AUH: variants seen among roughly 807,000 people sequenced by gnomAD.
The protein encoded by AUH is AU RNA binding methylglutaconyl-CoA hydratase, also known as methylglutaconyl-CoA hydratase, mitochondrial.
Under a neutral mutation model 42.3 loss-of-function variants are expected in AUH, and 29 were observed. The ratio of observed to expected loss-of-function variants is 0.69; its 90% CI spans 0.51 to 0.93. The LOEUF is 0.93. Among genes scored for constraint, AUH ranks in the 40% least tolerant of loss-of-function variants. The probability of loss-of-function intolerance (pLI) is 0.00; values close to 1 mark genes in which losing one functional copy is unlikely to be tolerated. For missense variants in AUH, 452 were observed against 438.1 expected, an observed-to-expected ratio of 1.03 and a Z score of -0.28; for synonymous variants, 174 against 166.4, an observed-to-expected ratio of 1.05 and a Z score of -0.35.
chr9:91,269,440 C>A (rs893928046), intron 6 of AUH, among the ~76,000 whole-genome samples: 3 of 152,182 alleles, frequency 2.0e-5, no homozygotes, highest in African/African-American at 7.2e-5. Flanking sequence ...AGTGACAGAT[C>A]TAAATATAAA....
chr9:91,271,098 A>G (rs868792328), intron 6 of AUH, among the ~76,000 whole-genome samples: 1 of 152,188 alleles, frequency 6.6e-6, no homozygotes, highest in African/African-American at 2.4e-5. Flanking sequence ...CCCTTCTCCA[A>G]ATGGTCAGTG....
intron 6 of AUH, among the ~76,000 whole-genome samples, chr9:91,271,618 G>T (rs1376095564): frequency 6.6e-6 from 1 of 152,184 alleles, no homozygotes; most frequent in Non-Finnish European, 1.5e-5. Context: ...AATATATGTA[G>T]CCTTTCTGCA....
chr9:91,325,200 T>C, intron 4 of AUH, 118 bp downstream of exon 4: 1 of 792,272 alleles, frequency 1.3e-6, no homozygotes, highest in Non-Finnish European at 2.1e-6. Context: ...CAGCTATAGG[T>C]CATGATTATC....
At chr9:91,355,485 A>T (rs1832337782) in intron 3 of AUH, among the ~76,000 whole-genome samples, 1 of 151,960 alleles carries the variant, frequency 6.6e-6, no homozygotes, top group African/African-American at 2.4e-5. Flanking sequence ...TGAACTGGGG[A>T]GACGAGGGTT....
At chr9:91,338,379 C>G (rs564555831) in intron 3 of AUH, among the ~76,000 whole-genome samples, 1 of 152,366 alleles carries the variant, frequency 6.6e-6, no homozygotes, top group East Asian at 1.9e-4. Flanking sequence ...TCATACACTT[C>G]CAGCCATCAC....
intron 3 of AUH, among the ~76,000 whole-genome samples, chr9:91,332,942 G>A (rs1174713423): frequency 6.6e-6 from 1 of 151,728 alleles, no homozygotes; most frequent in Non-Finnish European, 1.5e-5. Flanking sequence ...ACCACTCTGC[G>A]GTTCTCGCTC....
At chr9:91,272,418 C>T (rs1825213529) in intron 6 of AUH, among the ~76,000 whole-genome samples, 1 of 152,186 alleles carries the variant, frequency 6.6e-6, no homozygotes, top group Admixed American at 6.5e-5. Context: ...CTGGGCCAAT[C>T]AGCACATCTT....
chr9:91,356,016 C>A (rs372563500), intron 2 of AUH, 46 bp from the exon 3 acceptor site: 39 of 1,565,592 alleles, frequency 2.5e-5, no homozygotes, highest in Middle Eastern at 1.7e-4. Context: ...AAAAAAAAAA[C>A]AAAACATTTT....
chr9:91,356,005 GAAA>G, intron 2 of AUH, 35 bp from the exon 3 acceptor site: 1 of 1,367,058 alleles, frequency 7.3e-7, no homozygotes, highest in Non-Finnish European at 1.0e-6. Context: ...AGGAAAAAGA[GAAA>G]AAAAAAACAA....
chr9:91,229,547 C>CA (rs1488486489), intron 6 of AUH, among the ~76,000 whole-genome samples: 4 of 150,236 alleles, frequency 2.7e-5, no homozygotes, highest in African/African-American at 7.3e-5. Flanking sequence ...GCATTTAGTC[C>CA]ATTTACATTT....
chr9:91,251,976 C>T (rs1356990521), intron 6 of AUH, among the ~76,000 whole-genome samples: 1 of 151,616 alleles, frequency 6.6e-6, no homozygotes, highest in Non-Finnish European at 1.5e-5. Context: ...TCAGGATTTT[C>T]TTTTTTTTGA....
At chr9:91,239,597 C>G (rs1828386551) in intron 6 of AUH, among the ~76,000 whole-genome samples, 1 of 152,156 alleles carries the variant, frequency 6.6e-6, no homozygotes, top group African/African-American at 2.4e-5. Flanking sequence ...GCTATGTGAA[C>G]AAACATGGCA....
In AUH at chr9:91,276,332, G is replaced by A. The variant is rs372420760; in HGVS notation, c.655+19689C>T. Among the ~76,000 whole-genome samples the A allele has an allele frequency of 1.5e-3, 220 of 150,982 alleles. 1 individual carries two copies. Among genetic ancestry groups the A allele is most frequent in the African/African-American group, 5.1e-3 (211 of 41,050 alleles). ...TGTAATCCCAGCTACTTGAGAAAGCGAAGCACAAGAATCCACTGAACCCCA... is the reference window on the plus strand; with the variant it reads ...TGTAATCCCAGCTACTTGAGAAAGCAAAGCACAAGAATCCACTGAACCCCA... On this transcript the variant is annotated intron_variant, in intron 6 of 9. Coordinates refer to ENST00000375731, the MANE Select transcript of AUH (RefSeq NM_001698.3).
At chr9:91,348,100 C>G (rs1807808645) in intron 3 of AUH, among the ~76,000 whole-genome samples, 1 of 150,862 alleles carries the variant, frequency 6.6e-6, no homozygotes, top group Non-Finnish European at 1.5e-5. Flanking sequence ...AACCTTACAA[C>G]TCAATGAGAT....
intron 3 of AUH, among the ~76,000 whole-genome samples, chr9:91,334,830 G>C (rs1049545170): frequency 1.8e-4 from 28 of 152,252 alleles, no homozygotes; most frequent in African/African-American, 6.7e-4. Flanking sequence ...TACATGTGGT[G>C]CCAATTCGAA....
chr9:91,337,089 C>T (rs563758156), intron 3 of AUH, among the ~76,000 whole-genome samples: 2 of 152,252 alleles, frequency 1.3e-5, no homozygotes, highest in East Asian at 1.9e-4. Context: ...ACAATACTAT[C>T]GCACATCCTC....
chr9:91,306,001 C>A (rs1828192237), intron 4 of AUH, among the ~76,000 whole-genome samples: 1 of 152,098 alleles, frequency 6.6e-6, no homozygotes. Context: ...GCTCTGTGCG[C>A]CACTAATTCC....
chr9:91,255,049 T>A (rs1303990770), intron 6 of AUH, among the ~76,000 whole-genome samples: 2 of 152,140 alleles, frequency 1.3e-5, no homozygotes, highest in African/African-American at 4.8e-5. Context: ...TGGAATAAAG[T>A]GTAAGGTTAG....
chr9:91,256,682 G>A (rs1226898768), intron 6 of AUH, among the ~76,000 whole-genome samples: 5 of 151,926 alleles, frequency 3.3e-5, no homozygotes, highest in Admixed American at 3.3e-4. Flanking sequence ...GTGCTCAAGC[G>A]GCAGACTTAC....
Sources: gnomAD v4.1 joint callset for allele counts (sites outside exome capture counted in the v4.1 genomes callset) on GRCh38, gnomAD v4.1.1 for gene constraint, MANE v1.5 for transcripts, NCBI Gene and HGNC (gene_info 2026-07-23, HGNC 2026-07-21) for gene names.